Variants in MTBP observed in about 807,000 individuals in gnomAD.
The protein encoded by MTBP is mdm2-binding protein.
MTBP carries 101 observed loss-of-function variants against 117.0 expected under a neutral mutation model. The ratio of observed to expected loss-of-function variants is 0.86; its 90% CI spans 0.73 to 1.02. The LOEUF (loss-of-function observed/expected upper bound fraction) is 1.02, where lower values mean the gene tolerates loss of function less well. MTBP is among the 50% of genes least tolerant of loss of function. The pLI is 0.00. For missense variants in MTBP, 970 were observed against 1,030.9 expected (o/e 0.94, Z 0.81); for synonymous variants, 350 against 351.5 (o/e 1.00, Z 0.05).
intron 20 of MTBP, among the ~76,000 whole-genome samples, chr8:120,520,476 C>T (rs1242692501): frequency 6.6e-6 from 1 of 152,082 alleles, no homozygotes; most frequent in African/African-American, 2.4e-5. Context: ...ACAATTTTCT[C>T]TCCTTTGTTC....
intron 10 of MTBP, among the ~76,000 whole-genome samples, chr8:120,464,881 A>G (rs1365407900): frequency 6.6e-6 from 1 of 152,120 alleles, no homozygotes; most frequent in South Asian, 2.1e-4. Flanking sequence ...GAACCCAGTA[A>G]TGAAGTGTAC....
chr8:120,451,166 G>A lies in MTBP; in HGVS notation c.274-5G>A, dbSNP rs1221480418. On this transcript the variant is annotated splice_polypyrimidine_tract_variant and splice_region_variant and intron_variant, in intron 3 of 21. Transcript: ENST00000305949. ...ATTATTTAATACAATCTTTTGATTT[G>A]TTAGTTTTGTAGTTCTGATTGGCAA... The A allele has an allele frequency of 1.3e-6, 2 of 1,595,626 alleles. No individual in the cohort carries two copies. Among genetic ancestry groups the A allele is most frequent in the Non-Finnish European group, 1.7e-6 (2 of 1,169,356 alleles).
intron 10 of MTBP, among the ~76,000 whole-genome samples, chr8:120,466,868 C>T (rs1047196764): frequency 5.9e-5 from 9 of 152,098 alleles, no homozygotes; most frequent in South Asian, 2.1e-4. Flanking sequence ...AGCGAGACTC[C>T]GTCTCAAAAA....
chr8:120,481,075 C>G (rs537836601), intron 11 of MTBP, among the ~76,000 whole-genome samples: 1 of 152,254 alleles, frequency 6.6e-6, no homozygotes, highest in South Asian at 2.1e-4. Context: ...GTAAACTCCA[C>G]GAAAAGATGC....
intron 14 of MTBP, among the ~76,000 whole-genome samples, chr8:120,499,205 C>T (rs1586964353): frequency 6.6e-6 from 1 of 152,156 alleles, no homozygotes; most frequent in Non-Finnish European, 1.5e-5. Context: ...GAAGTCCTTT[C>T]TTTCCTTGGA....
chr8:120,467,697 C>G (rs1376804060), intron 10 of MTBP, among the ~76,000 whole-genome samples: 2 of 152,088 alleles, frequency 1.3e-5, no homozygotes, highest in Non-Finnish European at 2.9e-5. Context: ...CCTCAAGTCT[C>G]TCAGAGGTTA....
At chr8:120,467,385 C>T (rs989171872) in intron 10 of MTBP, among the ~76,000 whole-genome samples, 3 of 152,154 alleles carry the variant, frequency 2.0e-5, no homozygotes, top group African/African-American at 2.4e-5. Flanking sequence ...GAGGCCAAGG[C>T]GGGTGGATCA....
chr8:120,455,348 A>T, intron 5 of MTBP, 87 bp from the exon 6 acceptor site: 1 of 667,354 alleles, frequency 1.5e-6, no homozygotes. Context: ...CTAAATAAAC[A>T]TAAAATTCAG....
intron 1 of MTBP, among the ~76,000 whole-genome samples, chr8:120,446,087 T>TGGTGCTTTTTGG (rs1813220273): frequency 6.6e-6 from 1 of 152,228 alleles, no homozygotes; most frequent in South Asian, 2.1e-4. Flanking sequence ...AGATTCAATA[T>TGGTGCTTTTTGG]TGCATTTTAT....
rs776791269 is a variant in MTBP at position 120,497,497 on chromosome 8, A to G, written c.1552A>G (p.Ile518Val). 6.3e-7 allele frequency: 1 copy of G among 1,584,046 alleles called. No homozygotes were observed. Among genetic ancestry groups the G allele is most frequent in the Non-Finnish European group, 8.6e-7 (1 of 1,156,082 alleles). ...KHFLDYFDAVIPKMILRKMDK... is the reference protein window; with the variant it reads ...KHFLDYFDAVVPKMILRKMDK... ...CTTTTTAGATTATTTTGATGCTGTG[A>G]TTCCTAAAATGATTCTAAGAAAGAT... is the stretch of plus-strand genomic sequence containing the variant. Residue 518 changes from isoleucine (I) to valine (V), a missense_variant, in exon 14 of 22, where the codon ATT (isoleucine) becomes GTT (valine). Transcript: ENST00000305949.
intron 12 of MTBP, among the ~76,000 whole-genome samples, chr8:120,489,587 A>G (rs1421952061): frequency 6.6e-6 from 1 of 152,220 alleles, no homozygotes; most frequent in Admixed American, 6.5e-5. Context: ...CCCATGGGCT[A>G]CTATTTAGGT....
chr8:120,457,730 C>T (rs1245182628), intron 7 of MTBP, among the ~76,000 whole-genome samples: 1 of 152,112 alleles, frequency 6.6e-6, no homozygotes, highest in Non-Finnish European at 1.5e-5. Flanking sequence ...CGAGACCATC[C>T]TGGCTAACAC....
At chr8:120,492,264 T>G (rs1254301759) in intron 13 of MTBP, among the ~76,000 whole-genome samples, 9 of 152,312 alleles carry the variant, frequency 5.9e-5, no homozygotes, top group African/African-American at 1.9e-4. Context: ...AATACTGGAT[T>G]AAAAACTTGG....
intron 13 of MTBP, among the ~76,000 whole-genome samples, chr8:120,491,640 C>T (rs1814349358): frequency 6.6e-6 from 1 of 152,182 alleles, no homozygotes. Flanking sequence ...TTTCAGACAT[C>T]AGCCAGCTGT....
intron 11 of MTBP, among the ~76,000 whole-genome samples, chr8:120,479,837 G>A (rs1338327525): frequency 6.6e-6 from 1 of 152,120 alleles, no homozygotes; most frequent in Non-Finnish European, 1.5e-5. Context: ...CACAGCTAAA[G>A]CAGTACTAAG....
intron 17 of MTBP, among the ~76,000 whole-genome samples, chr8:120,514,108 T>C (rs1814870912): frequency 6.6e-6 from 1 of 151,726 alleles, no homozygotes; most frequent in Non-Finnish European, 1.5e-5. Context: ...ATATAATTAA[T>C]TTTAATATAA....
chr8:120,521,172 C>T, intron 20 of MTBP, among the ~76,000 whole-genome samples: 1 of 151,978 alleles, frequency 6.6e-6, no homozygotes, highest in Admixed American at 6.6e-5. Flanking sequence ...TACTTCAGGG[C>T]TTGAAAAAAC....
At chr8:120,510,915 A>G (rs6989845) in intron 17 of MTBP, among the ~76,000 whole-genome samples, 128,103 of 138,776 alleles carry the variant, frequency 0.92, 58,932 homozygotes, top group East Asian at 0.98. Flanking sequence ...TCTCAAGAAA[A>G]AAAAAAAAAA....
At chr8:120,458,083 A>G (rs1813508589) in intron 7 of MTBP, among the ~76,000 whole-genome samples, 1 of 152,116 alleles carries the variant, frequency 6.6e-6, no homozygotes, top group Admixed American at 6.6e-5. Context: ...AGTTCTTTTC[A>G]TGTGATTCTT....
Sources: gnomAD v4.1 joint callset for allele counts (sites outside exome capture counted in the v4.1 genomes callset) on GRCh38, gnomAD v4.1.1 for gene constraint, MANE v1.5 for transcripts, NCBI Gene and HGNC (gene_info 2026-07-23, HGNC 2026-07-21) for gene names.